KIRREL1: variants seen among roughly 807,000 people sequenced by gnomAD.
The protein encoded by KIRREL1 is kirre like nephrin family adhesion molecule 1.
KIRREL1 carries 25 observed loss-of-function variants against 83.3 expected under a neutral mutation model. The observed-to-expected ratio is 0.30, with a 90% CI of 0.22 to 0.42. The LOEUF (loss-of-function observed/expected upper bound fraction) is 0.42, where lower values mean the gene tolerates loss of function less well. Ranked by LOEUF, KIRREL1 falls within the 10% of genes least tolerant of loss-of-function variation. The pLI, the probability that KIRREL1 is intolerant of heterozygous loss-of-function variation, is 1.00. For missense variants in KIRREL1, 812 were observed against 1,032.3 expected, an observed-to-expected ratio of 0.79 and a Z score of 2.92; for synonymous variants, 388 against 410.4, an observed-to-expected ratio of 0.95 and a Z score of 0.66.
In KIRREL1 at chr1:158,093,770, T is replaced by C; in HGVS notation, c.1719+8T>C. 2 of 1,613,916 alleles carry C rather than the reference T, an allele frequency of 1.2e-6. No individual in the cohort carries two copies. The highest frequency in any genetic ancestry group is 2.2e-5 in the South Asian group (2 of 91,054). On this transcript the variant is annotated splice_region_variant and intron_variant, in intron 13 of 14. Transcript: ENST00000359209. ...ATGAAGGCCATCTACTCGGTGAGGGTCCTGCTCCTCTCTGGCCTCCTGCCT... is the reference window on the plus strand; with the variant it reads ...ATGAAGGCCATCTACTCGGTGAGGGCCCTGCTCCTCTCTGGCCTCCTGCCT...
At chr1:158,071,177 C>T (rs1221370862) in intron 1 of KIRREL1, among the ~76,000 whole-genome samples, 2 of 152,256 alleles carry the variant, frequency 1.3e-5, no homozygotes, top group African/African-American at 2.4e-5. Context: ...GGATTTCTGT[C>T]GGCCCGGCCT....
Position 158,094,494 on chromosome 1 carries a change from G to T in KIRREL1, c.1797+104G>T. 6 of 1,339,438 alleles carry T rather than the reference G, an allele frequency of 4.5e-6. No homozygotes were observed. Among genetic ancestry groups the T allele is most frequent in the East Asian group, 4.6e-5 (2 of 43,322 alleles). 83.0% of individuals were successfully genotyped at this position (1,339,438 alleles called of 1,614,324 possible). A position where few individuals can be genotyped will look rare whatever the true frequency, so the allele number is the denominator to read the frequency against. The stretch of plus-strand genomic sequence containing the variant: ...GTGAGGACAGACTTGGGGAGGAGTG[G>T]TTGGGAGGGTTTTTGAAGGAGCAGA... On this transcript the variant is annotated intron_variant, in intron 14 of 14. Coordinates refer to ENST00000359209, the MANE Select transcript of KIRREL1 (RefSeq NM_018240.7). This position sits in a 1 kb window ranked among gnomAD's most constrained non-coding sequence, Gnocchi z 4.6.
At chr1:158,065,671 C>T (rs969140878) in intron 1 of KIRREL1, among the ~76,000 whole-genome samples, 10 of 152,110 alleles carry the variant, frequency 6.6e-5, no homozygotes, top group African/African-American at 2.4e-4. Flanking sequence ...TATAGCCCAC[C>T]TCATTCTCTT....
intron 1 of KIRREL1, among the ~76,000 whole-genome samples, chr1:158,052,015 C>T (rs2101592880): frequency 6.6e-6 from 1 of 152,316 alleles, no homozygotes; most frequent in South Asian, 2.1e-4. Context: ...AGGAGCAGTA[C>T]AGCAGCTCCC....
At chr1:157,997,073 A>G (rs974361683) in intron 1 of KIRREL1, among the ~76,000 whole-genome samples, 2 of 152,104 alleles carry the variant, frequency 1.3e-5, no homozygotes, top group South Asian at 2.1e-4. Flanking sequence ...CTTTTATCCT[A>G]TAGTTTCTGG....
Position 158,094,327 on chromosome 1 carries a change from T to A in KIRREL1, c.1734T>A (p.Asp578Glu), listed in dbSNP as rs1662291667. Reference protein sequence around the residue: ...MKAIYSSFKDDVDLKQDLRCD... With the variant: ...MKAIYSSFKDEVDLKQDLRCD... ...CTGCTCCACAGTCGTTTAAGGATGA[T>A]GTGGATCTGAAGCAGGACCTGCGCT... The change falls in exon 14 of 15, where the codon GAT becomes GAA. Residue 578 changes from aspartate to glutamate, a missense_variant. Asp to Glu is a conservative substitution (Grantham distance 45, BLOSUM62 2). Transcript: ENST00000359209. The surrounding 1 kb of genome is among the most constrained non-coding windows in gnomAD (Gnocchi z 4.6). 6.2e-7 allele frequency: 1 copy of A among 1,608,666 alleles called. No individual in the cohort carries two copies. Among genetic ancestry groups the A allele is most frequent in the Non-Finnish European group, 8.5e-7 (1 of 1,178,148 alleles).
chr1:158,093,095 C>T (rs569276645), intron 11 of KIRREL1, among the ~76,000 whole-genome samples: 8 of 152,314 alleles, frequency 5.3e-5, no homozygotes, highest in African/African-American at 1.9e-4. Context: ...AGGGATGAGA[C>T]ATGACCATGA....
intron 1 of KIRREL1, among the ~76,000 whole-genome samples, chr1:158,057,933 G>C (rs1661109919): frequency 6.6e-6 from 1 of 152,146 alleles, no homozygotes; most frequent in African/African-American, 2.4e-5. Flanking sequence ...TGATGACACT[G>C]CTACTTCAAA....
intron 1 of KIRREL1, among the ~76,000 whole-genome samples, chr1:157,999,321 C>T (rs888350896): frequency 5.9e-5 from 9 of 152,188 alleles, no homozygotes; most frequent in African/African-American, 2.2e-4. Context: ...CAATCCTTTT[C>T]CTCCCACGTT....
At chr1:158,036,976 C>T (rs529285863) in intron 1 of KIRREL1, among the ~76,000 whole-genome samples, 17 of 152,256 alleles carry the variant, frequency 1.1e-4, no homozygotes, top group South Asian at 1.0e-3. Context: ...TCTTGGACTT[C>T]GATGGAGCCT....
chr1:158,093,877 G>T, intron 13 of KIRREL1, 115 bp downstream of exon 13: 3 of 1,106,884 alleles, frequency 2.7e-6, no homozygotes, highest in Admixed American at 2.0e-5. Context: ...GTCTTCCCTG[G>T]TCCTGCCACA....
chr1:158,034,269 C>CAAAAAAAAA (rs750353894), intron 1 of KIRREL1, among the ~76,000 whole-genome samples: 3 of 113,502 alleles, frequency 2.6e-5, no homozygotes, highest in African/African-American at 3.6e-5. Context: ...GACTCCGTCT[C>CAAAAAAAAA]AAAAAAAAAA....
chr1:158,002,512 G>C (rs890397317), intron 1 of KIRREL1, among the ~76,000 whole-genome samples: 12 of 152,346 alleles, frequency 7.9e-5, no homozygotes, highest in South Asian at 2.1e-4. Context: ...CCCACCAGGG[G>C]GGGTGAGAGC....
At chr1:158,023,701 A>G (rs1660070426) in intron 1 of KIRREL1, among the ~76,000 whole-genome samples, 1 of 152,204 alleles carries the variant, frequency 6.6e-6, no homozygotes, top group Admixed American at 6.5e-5. Context: ...TCTAACATTC[A>G]GTGTCCTAAC....
At chr1:158,063,228 G>T (rs1008054268) in intron 1 of KIRREL1, among the ~76,000 whole-genome samples, 9 of 152,234 alleles carry the variant, frequency 5.9e-5, no homozygotes, top group African/African-American at 2.2e-4. Context: ...AGGGCCCAGA[G>T]CTATAAAAGG....
chr1:158,012,908 C>T (rs1006768556), intron 1 of KIRREL1, among the ~76,000 whole-genome samples: 2 of 152,196 alleles, frequency 1.3e-5, no homozygotes, highest in African/African-American at 4.8e-5. Flanking sequence ...TGGGGGCTGT[C>T]CTGTACATTG....
chr1:158,031,424 G>A (rs984466159), intron 1 of KIRREL1, among the ~76,000 whole-genome samples: 1 of 152,124 alleles, frequency 6.6e-6, no homozygotes, highest in Non-Finnish European at 1.5e-5. Context: ...AACTGAAACT[G>A]GCTGGGACTG....
chr1:158,014,684 G>A lies in KIRREL1; in HGVS notation c.52+20956G>A, dbSNP rs866668732. Among the ~76,000 whole-genome samples, 58 of 149,090 alleles carry A rather than the reference G, an allele frequency of 3.9e-4. 1 individual carries two copies. The highest frequency in any genetic ancestry group is 1.4e-3 in the African/African-American group (55 of 39,526). On this transcript the variant is annotated intron_variant, in intron 1 of 14. Transcript: ENST00000359209. ...TTAAGAGAAATATAGTCTTTATGGG[G>A]GGGGGGGGGCGGGGGGAAGGAGGTT...
At chr1:158,017,176 A>G (rs765525152) in intron 1 of KIRREL1, among the ~76,000 whole-genome samples, 17 of 152,080 alleles carry the variant, frequency 1.1e-4, no homozygotes, top group Non-Finnish European at 2.2e-4. Flanking sequence ...GGCCCAGGAA[A>G]TGGGCATCTC....
Sources: gnomAD v4.1 joint callset for allele counts (sites outside exome capture counted in the v4.1 genomes callset) on GRCh38, gnomAD v4.1.1 for gene constraint, Gnocchi (gnomAD v3.1) non-coding constraint, MANE v1.5 for transcripts, NCBI Gene and HGNC (gene_info 2026-07-23, HGNC 2026-07-21) for gene names.